ANKRD42: variants seen among roughly 807,000 people sequenced by gnomAD.
The protein encoded by ANKRD42 is ankyrin repeat domain-containing protein 42.
In ANKRD42, 43 loss-of-function variants were observed where a neutral mutation model predicts 51.5. That is an observed-to-expected ratio of 0.83 (90% CI 0.65 to 1.08). ANKRD42 has a LOEUF of 1.08. Ranked by LOEUF, ANKRD42 falls within the 50% of genes least tolerant of loss-of-function variation. The pLI is 0.00. For synonymous variants in ANKRD42, 203 were observed against 213.0 expected, an observed-to-expected ratio of 0.95 and a Z score of 0.41; for missense variants, 608 against 629.3, an observed-to-expected ratio of 0.97 and a Z score of 0.36.
At chr11:83,262,832 T>G (rs537692758), downstream of ANKRD42, among the ~76,000 whole-genome samples, 4 of 152,294 alleles carry the variant, frequency 2.6e-5, no homozygotes, top group South Asian at 6.2e-4. Context: ...CTAAGAAATA[T>G]AGAGAAGTAA....
chr11:83,213,654 G>A (rs749215219), intron 5 of ANKRD42: 39 of 803,806 alleles, frequency 4.9e-5, no homozygotes, highest in African/African-American at 1.1e-4. Context: ...CATTTCGTAC[G>A]TTTAAAGGCT....
Position 83,210,383 on chromosome 11 carries a change from TTC to T in ANKRD42, c.416_417del (p.Ser139PhefsTer17). On this transcript the variant is annotated frameshift_variant, in exon 4 of 11. Coordinates refer to ENST00000533342, the MANE Select transcript of ANKRD42 (RefSeq NM_001300975.2). LOFTEE classifies it high-confidence loss of function. Reference sequence around the variant, plus strand: ...TACATCTTGCTGCAACTCATGGACATTCTTTCACTTTACAAATAATGCTCCGA... The same window carrying T: ...TACATCTTGCTGCAACTCATGGACATTTTCACTTTACAAATAATGCTCCGA... The part of the protein sequence containing the change: ...PLHLAATHGH[S>X]FTLQIMLRSG... 6.2e-7 allele frequency: 1 copy of T among 1,614,036 alleles called. No homozygotes were observed.
At chr11:83,250,161 T>C (rs59622517), downstream of ANKRD42, among the ~76,000 whole-genome samples, 1 of 152,292 alleles carries the variant, frequency 6.6e-6, no homozygotes, top group African/African-American at 2.4e-5. Flanking sequence ...CTCAAGAAGC[T>C]CTGACTAAGT....
chr11:83,264,073 C>T (rs534759932), downstream of ANKRD42, among the ~76,000 whole-genome samples: 1 of 152,124 alleles, frequency 6.6e-6, no homozygotes, highest in Non-Finnish European at 1.5e-5. Context: ...TATAGAAATA[C>T]TAGCACAGGG....
intron 7 of ANKRD42, among the ~76,000 whole-genome samples, chr11:83,234,007 T>G (rs188947072): frequency 1.9e-4 from 29 of 152,300 alleles, no homozygotes; most frequent in African/African-American, 6.7e-4. Context: ...ATGTGAAGTT[T>G]TTTCTCTTTT....
intron 9 of ANKRD42, among the ~76,000 whole-genome samples, chr11:83,243,184 G>T (rs1041884575): frequency 1.3e-5 from 2 of 152,058 alleles, no homozygotes; most frequent in African/African-American, 4.8e-5. Flanking sequence ...ATGTGAGATG[G>T]CATTTCATTG....
intron 6 of ANKRD42, among the ~76,000 whole-genome samples, chr11:83,226,800 T>A (rs573031788): frequency 6.6e-6 from 1 of 151,044 alleles, no homozygotes; most frequent in East Asian, 2.0e-4. Context: ...ACCCTGCCTC[T>A]AAACAAAACA....
intron 5 of ANKRD42, among the ~76,000 whole-genome samples, chr11:83,221,316 A>G (rs1488123869): frequency 1.3e-5 from 2 of 152,198 alleles, no homozygotes; most frequent in Non-Finnish European, 1.5e-5. Context: ...GAGATCACTA[A>G]GTTTCCTTAA....
In ANKRD42 at chr11:83,204,562, GC is replaced by G. The variant is rs566136542; in HGVS notation, c.223-1493del. On this transcript the variant is annotated intron_variant, in intron 2 of 10. Transcript: ENST00000533342. ...TATTTGGGAGATGGGTTCAATAGAA[GC>G]CCAAATGCCTCAGCATCATGCAGCA... is the stretch of plus-strand genomic sequence containing the variant. 1.1e-3 allele frequency among the ~76,000 whole-genome samples: 161 copies of G among 151,976 alleles called. 1 individual carries two copies. Among genetic ancestry groups the G allele is most frequent in the Non-Finnish European group, 2.0e-3 (136 of 67,996 alleles).
At chr11:83,219,278 A>G (rs1269555139) in intron 5 of ANKRD42, among the ~76,000 whole-genome samples, 1 of 152,192 alleles carries the variant, frequency 6.6e-6, no homozygotes. Flanking sequence ...TGCCCCTGCC[A>G]TGTGCCTGTT....
In ANKRD42 at chr11:83,194,651, A is replaced by G. The variant is rs760483490; in HGVS notation, c.-20A>G. On this transcript the variant is annotated 5_prime_UTR_variant, in exon 1 of 11. Transcript: ENST00000533342. ...AGGGGCCTGGACTCAACTCCTCCCC[A>G]GAGTCGGAGGTGTTGCGCCATGCCC... 5.6e-6 allele frequency: 9 copies of G among 1,613,308 alleles called. No individual in the cohort carries two copies. Among genetic ancestry groups the G allele is most frequent in the Non-Finnish European group, 7.6e-6 (9 of 1,179,672 alleles).
chr11:83,216,411 C>A (rs889327954), intron 5 of ANKRD42, among the ~76,000 whole-genome samples: 1 of 151,990 alleles, frequency 6.6e-6, no homozygotes, highest in East Asian at 1.9e-4. Context: ...GCAGGCTCCA[C>A]CCCCTGGGGT....
chr11:83,202,272 C>T (rs1861902011), intron 2 of ANKRD42, among the ~76,000 whole-genome samples: 1 of 152,066 alleles, frequency 6.6e-6, no homozygotes, highest in African/African-American at 2.4e-5. Context: ...TTGCAAAAGT[C>T]AGATTTGTTG....
In ANKRD42 at chr11:83,225,020, C is replaced by A. The variant is rs1310675114; in HGVS notation, c.752C>A (p.Ala251Asp). 6.2e-7 allele frequency: 1 copy of A among 1,611,778 alleles called. No homozygotes were observed. The highest frequency in any genetic ancestry group is 8.5e-7 in the Non-Finnish European group (1 of 1,178,858). ...AACATTTTACAGTTTATCCAGGGGG[C>A]TGAGTATGAAGGAAAAGACCTAGAG... ...KQNILQFIQGAEYEGKDLEDQ... is the reference protein window; with the variant it reads ...KQNILQFIQGDEYEGKDLEDQ... Residue 251 changes from alanine (A) to aspartate (D), a missense_variant, in exon 6 of 11, where the codon GCT becomes GAT. Transcript: ENST00000533342.
chr11:83,247,200 C>T (rs1863567101), intron 10 of ANKRD42, among the ~76,000 whole-genome samples: 1 of 151,694 alleles, frequency 6.6e-6, no homozygotes, highest in Non-Finnish European at 1.5e-5. Context: ...AAAAGTACCT[C>T]ATGGTGGAAA....
chr11:83,204,863 A>T (rs902900372), intron 2 of ANKRD42, among the ~76,000 whole-genome samples: 1 of 152,234 alleles, frequency 6.6e-6, no homozygotes, highest in Admixed American at 6.5e-5. Flanking sequence ...TTCAGTTGAC[A>T]CTTTCTCAAA....
At chr11:83,204,876 G>A (rs569979876) in intron 2 of ANKRD42, among the ~76,000 whole-genome samples, 20 of 152,150 alleles carry the variant, frequency 1.3e-4, no homozygotes, top group Non-Finnish European at 2.2e-4. Context: ...TTCTCAAAGA[G>A]TACATATGGA....
At chr11:83,247,904 C>G in intron 10 of ANKRD42, 39 bp from the exon 11 acceptor site, 1 of 1,514,904 alleles carries the variant, frequency 6.6e-7, no homozygotes, top group Non-Finnish European at 9.0e-7. Context: ...TATTAGTTGA[C>G]ATTGATGATT....
chr11:83,255,957 C>G, exon 12 of ANKRD42: 2 of 1,482,994 alleles, frequency 1.3e-6, no homozygotes, highest in Non-Finnish European at 1.8e-6. Context: ...CTAAATTGAC[C>G]TGCTAGATTT....
Sources: allele counts gnomAD v4.1 joint callset (sites outside exome capture counted in the v4.1 genomes callset), GRCh38; gene constraint gnomAD v4.1.1; transcripts MANE v1.5; gene names NCBI Gene and HGNC (gene_info 2026-07-23, HGNC 2026-07-21).